The following TRIM16 variants were observed in gnomAD, a reference collection of about 807,000 sequenced individuals.
The protein encoded by TRIM16 is tripartite motif-containing protein 16.
In TRIM16, 33 loss-of-function variants were observed where a neutral mutation model predicts 50.4. The ratio of observed to expected loss-of-function variants is 0.65; its 90% CI spans 0.50 to 0.88. The LOEUF is 0.88. Ranked by LOEUF, TRIM16 falls within the 40% of genes least tolerant of loss-of-function variation. The pLI, the probability that TRIM16 is intolerant of heterozygous loss-of-function variation, is 0.00. For synonymous variants in TRIM16, 229 were observed against 270.7 expected (o/e 0.85, Z 1.51); for missense variants, 581 against 686.8 (o/e 0.85, Z 1.72).
In TRIM16 at chr17:15,636,168, C is replaced by T. The variant is rs755050869; in HGVS notation, c.717G>A (p.Glu239=). 1.5e-5 allele frequency: 24 copies of T among 1,609,832 alleles called. No homozygotes were observed. Among genetic ancestry groups the T allele is most frequent in the South Asian group, 2.2e-5 (2 of 90,500 alleles). ...AQANVMLFLE[E]KEQAALSQAN... ...CCTGGCTCAGCGCAGCTTGCTCCTT[C>T]TCCTCTAAGAAGAGCATCACATTGG... Residue 239 remains glutamate (E), a synonymous_variant, in exon 9 of 12, where the codon GAG becomes GAA. Transcript: ENST00000649191.
At chr17:15,669,054 CATT>C (rs1184585561) in intron 6 of TRIM16, among the ~76,000 whole-genome samples, 1 of 151,860 alleles carries the variant, frequency 6.6e-6, no homozygotes, top group African/African-American at 2.4e-5. Flanking sequence ...AGACATTCAA[CATT>C]ATTAAGAATG....
At chr17:15,666,408 A>G (rs374974921) in intron 6 of TRIM16, among the ~76,000 whole-genome samples, 13 of 152,180 alleles carry the variant, frequency 8.5e-5, no homozygotes, top group East Asian at 3.9e-4. Flanking sequence ...AAAAAAATCA[A>G]CTTTACTGAG....
intron 6 of TRIM16, among the ~76,000 whole-genome samples, chr17:15,664,130 T>C (rs936740718): frequency 2.6e-5 from 4 of 152,116 alleles, no homozygotes; most frequent in East Asian, 1.9e-4. Flanking sequence ...ATTTCATACA[T>C]TGATACTTAA....
At chr17:15,680,994 T>C (rs1354869593) in intron 3 of TRIM16, 41 bp from the exon 4 acceptor site, 3 of 1,396,124 alleles carry the variant, frequency 2.1e-6, no homozygotes, top group South Asian at 2.8e-5. Context: ...TTTATCTTTA[T>C]GTATCTCAAA....
chr17:15,646,795 C>T (rs756407616), intron 7 of TRIM16, among the ~76,000 whole-genome samples: 44 of 151,996 alleles, frequency 2.9e-4, no homozygotes, highest in African/African-American at 3.9e-4. Context: ...TCCACCTGGA[C>T]GCTGACTGCA....
chr17:15,681,289 C>T (rs1347421049), intron 3 of TRIM16: 1 of 174,068 alleles, frequency 5.7e-6, no homozygotes, highest in Non-Finnish European at 1.2e-5. Flanking sequence ...GGCTCAACTC[C>T]TTTATTCGCA....
At chr17:15,672,705 C>G (rs1226989861) in intron 6 of TRIM16, among the ~76,000 whole-genome samples, 1 of 152,060 alleles carries the variant, frequency 6.6e-6, no homozygotes, top group African/African-American at 2.4e-5. Context: ...TGCACTCCAG[C>G]CCAGGCAATA....
intron 11 of TRIM16, among the ~76,000 whole-genome samples, 179 bp downstream of exon 11, chr17:15,631,440 A>G (rs150252929): frequency 8.5e-5 from 13 of 152,384 alleles, no homozygotes; most frequent in Admixed American, 8.5e-4. Flanking sequence ...TAAGTTTCAT[A>G]TTATTTCAAA....
At chr17:15,643,788 G>A (rs1213886167) in intron 7 of TRIM16, among the ~76,000 whole-genome samples, 1 of 152,250 alleles carries the variant, frequency 6.6e-6, no homozygotes, top group Non-Finnish European at 1.5e-5. Flanking sequence ...AGCCTAGGCT[G>A]ACCCCACAAG....
chr17:15,671,713 A>G (rs1988737596), intron 6 of TRIM16, among the ~76,000 whole-genome samples: 1 of 152,202 alleles, frequency 6.6e-6, no homozygotes, highest in African/African-American at 2.4e-5. Flanking sequence ...TGTTAAAATC[A>G]TGATCCCTGA....
At chr17:15,656,434 A>T (rs959821326) in intron 6 of TRIM16, among the ~76,000 whole-genome samples, 2 of 152,040 alleles carry the variant, frequency 1.3e-5, no homozygotes, top group Non-Finnish European at 2.9e-5. Flanking sequence ...CCCAAAGACA[A>T]TTTCTCCTGC....
chr17:15,683,370 C>T (rs1369711268), intron 1 of TRIM16: 12 of 450,196 alleles, frequency 2.7e-5, no homozygotes, highest in Non-Finnish European at 4.5e-5. Flanking sequence ...CAGAGTCAGA[C>T]ACTGGGAACA....
intron 6 of TRIM16, 138 bp from the exon 7 acceptor site, chr17:15,652,084 T>C: frequency 4.4e-6 from 2 of 454,452 alleles, no homozygotes; most frequent in Non-Finnish European, 6.0e-6. Flanking sequence ...CAGCCATTCA[T>C]CTACTCCCAT....
In TRIM16 at chr17:15,628,140, T is replaced by G. The variant is rs1454150989; in HGVS notation, c.*475A>C. On this transcript the variant is annotated 3_prime_UTR_variant, in exon 12 of 12. Coordinates refer to ENST00000649191, the MANE Select transcript of TRIM16 (RefSeq NM_001348119.1). ...ATTACTACAAACAGGCAGGGCGCAG[T>G]GGCTCACGCATGTAATCCCAGCACT... 6.5e-6 allele frequency: 1 copy of G among 154,382 alleles called. No individual in the cohort carries two copies. Among genetic ancestry groups the G allele is most frequent in the Non-Finnish European group, 1.4e-5 (1 of 69,632 alleles). The allele number at this position is 154,382 out of a possible 1,614,324, so 9.6% of individuals were successfully genotyped here. A position where few individuals can be genotyped will look rare whatever the true frequency, so the allele number is the denominator to read the frequency against.
chr17:15,678,282 ATACCT>A (rs1179404375), intron 4 of TRIM16, among the ~76,000 whole-genome samples: 1 of 152,198 alleles, frequency 6.6e-6, no homozygotes, highest in Admixed American at 6.5e-5. Context: ...ACATCTATTT[ATACCT>A]TACAATAGAA....
Position 15,651,699 on chromosome 17 carries a change from T to A in TRIM16, c.-90A>T, listed in dbSNP as rs1160640873. ...GTCAGACAAGAGAACCACGCCTAGA[T>A]GATTGCAGCTGCTGCAAGATTTTAA... On this transcript the variant is annotated 5_prime_UTR_variant, in exon 7 of 12. Coordinates refer to ENST00000649191, the MANE Select transcript of TRIM16 (RefSeq NM_001348119.1). 7 of 1,546,370 alleles carry A rather than the reference T, an allele frequency of 4.5e-6. No homozygotes were observed. The highest frequency in any genetic ancestry group is 1.2e-5 in the South Asian group (1 of 84,652).
intron 6 of TRIM16, among the ~76,000 whole-genome samples, chr17:15,673,908 C>G (rs1988817352): frequency 6.6e-6 from 1 of 152,112 alleles, no homozygotes; most frequent in Non-Finnish European, 1.5e-5. Context: ...TTCCCTAACT[C>G]TTCTGTTGGG....
rs1989238784 is a variant in TRIM16 at position 15,682,869 on chromosome 17, T to G, written c.-694A>C. 6.9e-7 allele frequency: 1 copy of G among 1,444,794 alleles called. No homozygotes were observed. The highest frequency in any genetic ancestry group is 1.4e-5 in the African/African-American group (1 of 69,770). 89.5% of individuals were successfully genotyped at this position (1,444,794 alleles called of 1,614,324 possible). ...GCACACTCACCACGCACCAGGTGCTTTCCATAAATCAGTATTCACAGATGA... is the reference window on the plus strand; with the variant it reads ...GCACACTCACCACGCACCAGGTGCTGTCCATAAATCAGTATTCACAGATGA... On this transcript the variant is annotated 5_prime_UTR_variant, in exon 3 of 12. Coordinates refer to ENST00000649191, the MANE Select transcript of TRIM16 (RefSeq NM_001348119.1).
At chr17:15,631,867 C>T (rs1389644156) in intron 10 of TRIM16, 153 bp from the exon 11 acceptor site, 1 of 671,050 alleles carries the variant, frequency 1.5e-6, no homozygotes, top group Non-Finnish European at 2.6e-6. Context: ...CAATAGACTA[C>T]ATTTCTTTCA....
Sources: allele counts gnomAD v4.1 joint callset (sites outside exome capture counted in the v4.1 genomes callset), GRCh38; gene constraint gnomAD v4.1.1; transcripts MANE v1.5; gene names NCBI Gene and HGNC (gene_info 2026-07-23, HGNC 2026-07-21).